Variants in PACRG observed in about 807,000 individuals in gnomAD.
The protein encoded by PACRG is parkin coregulated gene protein.
Under a neutral mutation model 29.7 loss-of-function variants are expected in PACRG, and 29 were observed. The observed-to-expected ratio is 0.98, with a 90% confidence interval of 0.73 to 1.33. The LOEUF is 1.33. Ranked by LOEUF, PACRG falls within the 40% of genes most tolerant of loss-of-function variation. PACRG has a pLI of 0.00. For synonymous variants in PACRG, 116 were observed against 118.7 expected (o/e 0.98, Z 0.15); for missense variants, 279 against 316.2 (o/e 0.88, Z 0.89).
intron 2 of PACRG, among the ~76,000 whole-genome samples, chr6:163,022,279 G>A (rs541185475): frequency 7.9e-5 from 12 of 152,312 alleles, no homozygotes; most frequent in East Asian, 1.9e-4. Context: ...CCCTGCCCTT[G>A]CTGTACTCTA....
chr6:163,110,629 G>A (rs1330040205), intron 4 of PACRG, among the ~76,000 whole-genome samples: 2 of 152,162 alleles, frequency 1.3e-5, no homozygotes, highest in African/African-American at 4.8e-5. Flanking sequence ...CCCTTGTAGA[G>A]CCAAAATACC....
chr6:162,743,060 A>C (rs182172651), intron 1 of PACRG, among the ~76,000 whole-genome samples: 1 of 152,234 alleles, frequency 6.6e-6, no homozygotes, highest in Admixed American at 6.5e-5. Flanking sequence ...TTTGATGATA[A>C]CGGTTCTAAC....
At chr6:163,237,595 A>G (rs1413999088) in intron 4 of PACRG, among the ~76,000 whole-genome samples, 1 of 152,220 alleles carries the variant, frequency 6.6e-6, no homozygotes, top group African/African-American at 2.4e-5. Context: ...AAGATAAAGT[A>G]AATTGGAGTT....
chr6:162,871,701 G>A (rs1792824208), intron 2 of PACRG, among the ~76,000 whole-genome samples: 1 of 152,020 alleles, frequency 6.6e-6, no homozygotes, highest in South Asian at 2.1e-4. Context: ...GGCGGATCAC[G>A]AGGTCAGGAA....
At chr6:162,908,034 A>G (rs2128071015) in intron 2 of PACRG, among the ~76,000 whole-genome samples, 1 of 152,362 alleles carries the variant, frequency 6.6e-6, no homozygotes, top group Non-Finnish European at 1.5e-5. Context: ...TGAGAGTTAT[A>G]CATACGCCTC....
rs1375508647 is a variant in PACRG, at chr6:163,269,956, AAAG to A, written c.614-44868_614-44866del. On this transcript the variant is annotated intron_variant, in intron 4 of 4. Coordinates refer to ENST00000366888, the MANE Select transcript of PACRG (RefSeq NM_001080379.2). ...CAAAGAAAGAAAGAAAGAAAGAAAG[AAAG>A]AAAGAAAGAAAGAAAGAAAGAAAGA... is the stretch of plus-strand genomic sequence containing the variant. 2.1e-3 allele frequency among the ~76,000 whole-genome samples: 144 copies of A among 68,902 alleles called. 32 individuals carry two copies. Among genetic ancestry groups the A allele is most frequent in the African/African-American group, 0.011 (138 of 12,762 alleles). 45.2% of individuals were successfully genotyped at this position (68,902 alleles called of 152,430 possible).
chr6:163,253,178 T>C (rs1782975047), intron 4 of PACRG, among the ~76,000 whole-genome samples: 1 of 151,450 alleles, frequency 6.6e-6, no homozygotes, highest in Non-Finnish European at 1.5e-5. Context: ...CGTGTTCCTA[T>C]AATCCCAGCT....
chr6:163,119,596 G>A (rs897928813), intron 4 of PACRG, among the ~76,000 whole-genome samples: 3 of 152,304 alleles, frequency 2.0e-5, no homozygotes, highest in South Asian at 2.1e-4. Context: ...CAAGTGTTAC[G>A]TATTTTGCAA....
At position 162,951,981 on chromosome 6, in the gene PACRG, T is replaced by C. The variant is rs559062384; in HGVS notation, c.292-110169T>C. Among the ~76,000 whole-genome samples, 108 of 152,256 alleles carry C rather than the reference T, an allele frequency of 7.1e-4. 1 individual carries two copies. The highest frequency in any genetic ancestry group is 2.5e-3 in the African/African-American group (104 of 41,552). On this transcript the variant is annotated intron_variant, in intron 2 of 4. Coordinates refer to ENST00000366888, the MANE Select transcript of PACRG (RefSeq NM_001080379.2). ...TTTCCAGGTTTCTGCTGCTGAATCT[T>C]AGGAGAGAAATGCTCTGTGCATTTC...
At chr6:163,220,956 CT>C (rs1177258175) in intron 4 of PACRG, among the ~76,000 whole-genome samples, 1 of 152,206 alleles carries the variant, frequency 6.6e-6, no homozygotes, top group East Asian at 1.9e-4. Context: ...CTCTGCATCA[CT>C]TTGCTGTCTT....
intron 1 of PACRG, among the ~76,000 whole-genome samples, chr6:162,772,557 G>A (rs1004149691): frequency 6.6e-6 from 1 of 152,176 alleles, no homozygotes; most frequent in African/African-American, 2.4e-5. Flanking sequence ...GTCAATAGGA[G>A]GGAGAGTCCT....
chr6:163,113,117 A>T (rs1815800597), intron 4 of PACRG, among the ~76,000 whole-genome samples: 1 of 152,242 alleles, frequency 6.6e-6, no homozygotes, highest in African/African-American at 2.4e-5. Context: ...GAAAAAATTT[A>T]TCAGGATACA....
At chr6:163,262,829 C>T (rs112594342) in intron 4 of PACRG, among the ~76,000 whole-genome samples, 1,719 of 151,034 alleles carry the variant, frequency 0.011, 19 homozygotes, top group Admixed American at 0.018. Flanking sequence ...ATCACTTGAG[C>T]GCAGAAGTTC....
intron 4 of PACRG, among the ~76,000 whole-genome samples, chr6:163,112,792 A>G (rs909284454): frequency 1.3e-5 from 2 of 152,216 alleles, no homozygotes; most frequent in Non-Finnish European, 2.9e-5. Context: ...TGATTTCCAG[A>G]GTTACTATGT....
chr6:162,893,839 A>G lies in PACRG; in HGVS notation c.291+79558A>G, dbSNP rs1050008423. Among the ~76,000 whole-genome samples, 3 of 152,306 alleles carry G rather than the reference A, an allele frequency of 2.0e-5. No homozygotes were observed. In the South Asian group the frequency reaches 6.2e-4, roughly 32 times the overall value. ...TCCCTGACTTCAAATGAAGTAATCA[A>G]TGGTATTGCCCTGGAAGGCAAGCAA... On this transcript the variant is annotated intron_variant, in intron 2 of 4. Transcript: ENST00000366888.
At chr6:162,825,131 A>G (rs1788170047) in intron 2 of PACRG, among the ~76,000 whole-genome samples, 2 of 152,218 alleles carry the variant, frequency 1.3e-5, no homozygotes. Context: ...TAGGTAGTCA[A>G]TCCACATACC....
intron 4 of PACRG, among the ~76,000 whole-genome samples, chr6:163,281,751 T>A (rs188013701): frequency 1.3e-5 from 2 of 152,292 alleles, no homozygotes; most frequent in East Asian, 3.9e-4. Flanking sequence ...AAATACAGTG[T>A]ATATGAGTCA....
intron 4 of PACRG, among the ~76,000 whole-genome samples, chr6:163,270,335 C>A (rs186955812): frequency 6.6e-6 from 1 of 152,164 alleles, no homozygotes; most frequent in East Asian, 1.9e-4. Flanking sequence ...ATACATATGG[C>A]TTACTTAACA....
intron 4 of PACRG, among the ~76,000 whole-genome samples, chr6:163,178,763 G>A (rs893074465): frequency 5.9e-5 from 9 of 152,078 alleles, no homozygotes; most frequent in African/African-American, 1.7e-4. Context: ...TCCAGCACCC[G>A]GTTTCTCAAA....
Sources: gnomAD v4.1 joint callset for allele counts (sites outside exome capture counted in the v4.1 genomes callset) on GRCh38, gnomAD v4.1.1 for gene constraint, MANE v1.5 for transcripts, NCBI Gene and HGNC (gene_info 2026-07-23, HGNC 2026-07-21) for gene names.